DNMT3A: variants seen among roughly 807,000 people sequenced by gnomAD.
DNMT3A encodes DNA (cytosine-5)-methyltransferase 3A.
DNMT3A carries 267 observed loss-of-function variants against 117.6 expected under a neutral mutation model. That is an observed-to-expected ratio of 2.27 (90% CI 2.05 to 2.51). The LOEUF (loss-of-function observed/expected upper bound fraction) is 2.51, where lower values mean the gene tolerates loss of function less well. DNMT3A is among the 30% of genes most tolerant of loss of function. The pLI, the probability that DNMT3A is intolerant of heterozygous loss-of-function variation, is 0.00. For synonymous variants in DNMT3A, 432 were observed against 474.8 expected (o/e 0.91, Z 1.17); for missense variants, 1,029 against 1,260.2 (o/e 0.82, Z 2.78).
At position 25,235,899 on chromosome 2, in the gene DNMT3A, T is replaced by C. The variant is rs558235841; in HGVS notation, c.2479-74A>G. On this transcript the variant is annotated intron_variant, in intron 21 of 22. Coordinates refer to ENST00000321117, the MANE Select transcript of DNMT3A (RefSeq NM_022552.5). Reference sequence around the variant, plus strand: ...CAACACTGGTCATGCGTCTACCAAATATGCCAGGTACTCGCCAAACCCTGA... The same window carrying C: ...CAACACTGGTCATGCGTCTACCAAACATGCCAGGTACTCGCCAAACCCTGA... 4 of 1,366,284 alleles carry C rather than the reference T, an allele frequency of 2.9e-6. No homozygotes were observed. The African/African-American group carries it at 5.7e-5, about 20-fold the overall frequency. 84.6% of individuals were successfully genotyped at this position (1,366,284 alleles called of 1,614,324 possible). A position where few individuals can be genotyped will look rare whatever the true frequency, so the allele number is the denominator to read the frequency against.
At chr2:25,328,619 C>T (rs1305731284) in intron 1 of DNMT3A, 1 of 502,498 alleles carries the variant, frequency 2.0e-6, no homozygotes, top group Non-Finnish European at 4.1e-6. Flanking sequence ...CAACCCCGTT[C>T]CGGGTGACCC....
chr2:25,295,108 T>C (rs1208881665), intron 3 of DNMT3A, among the ~76,000 whole-genome samples: 2 of 152,274 alleles, frequency 1.3e-5, no homozygotes, highest in African/African-American at 4.8e-5. Flanking sequence ...GAACCACCCA[T>C]GAAGGACAAA....
intron 6 of DNMT3A, among the ~76,000 whole-genome samples, chr2:25,250,922 A>C (rs976195187): frequency 6.6e-6 from 1 of 152,042 alleles, no homozygotes; most frequent in Non-Finnish European, 1.5e-5. Context: ...CGTGCCTGAC[A>C]CCACCCTCAG....
rs145353645 is a variant in DNMT3A, at chr2:25,254,889, G to T, written c.640-6637C>A. On this transcript the variant is annotated intron_variant, in intron 6 of 22. Transcript: ENST00000321117. The surrounding 1 kb of genome is among the most constrained non-coding windows in gnomAD (Gnocchi z 4.7). ...GCCGTGCGTGCAGCAAGGACTCAAG[G>T]TGTCAGAACTGGCCAGAACTGTTCA... 2.3e-4 allele frequency among the ~76,000 whole-genome samples: 35 copies of T among 152,250 alleles called. No homozygotes were observed. The highest frequency in any genetic ancestry group is 7.5e-4 in the African/African-American group (31 of 41,460).
At chr2:25,302,366 G>A (rs2033566353) in intron 2 of DNMT3A, among the ~76,000 whole-genome samples, 1 of 152,192 alleles carries the variant, frequency 6.6e-6, no homozygotes, top group East Asian at 1.9e-4. Flanking sequence ...ACTAAGCTGT[G>A]CAGAGTGACA....
In DNMT3A at chr2:25,244,766, G is replaced by C. The variant is rs1411961973; in HGVS notation, c.1555-114C>G. The C allele has an allele frequency of 1.8e-5, 15 of 839,142 alleles. No homozygotes were observed. The Admixed American group carries it at 3.2e-4, about 18-fold the overall frequency. The allele number at this position is 839,142 out of a possible 1,614,324, so 52.0% of individuals were successfully genotyped here. On this transcript the variant is annotated intron_variant, in intron 13 of 22. Transcript: ENST00000321117. Reference sequence around the variant, plus strand: ...GCCTAAGCCCTGAAGACATGACCCCGCCACCACCTTAGCCAGGGTCAGGCC... The same window carrying C: ...GCCTAAGCCCTGAAGACATGACCCCCCCACCACCTTAGCCAGGGTCAGGCC...
At chr2:25,309,294 G>A (rs2033954704) in intron 2 of DNMT3A, among the ~76,000 whole-genome samples, 1 of 152,238 alleles carries the variant, frequency 6.6e-6, no homozygotes. Flanking sequence ...GAGAAGAAAA[G>A]AGGAGCTGTA....
chr2:25,314,586 C>T, intron 1 of DNMT3A: 4 of 985,426 alleles, frequency 4.1e-6, no homozygotes, highest in Non-Finnish European at 4.8e-6. Context: ...CACCCCCACC[C>T]CCACACCTCC....
chr2:25,258,877 G>C (rs1320119817), intron 6 of DNMT3A, among the ~76,000 whole-genome samples: 3 of 152,190 alleles, frequency 2.0e-5, no homozygotes, highest in Middle Eastern at 3.2e-3. Context: ...CTGTTAGGGA[G>C]GGGGAGTGGT....
At chr2:25,248,857 G>A (rs1235212285) in intron 6 of DNMT3A, among the ~76,000 whole-genome samples, 1 of 148,942 alleles carries the variant, frequency 6.7e-6, no homozygotes. Context: ...CTACGTTAAT[G>A]TTTTTTTTTT....
chr2:25,248,608 C>T (rs1675152243), intron 6 of DNMT3A, among the ~76,000 whole-genome samples: 1 of 151,822 alleles, frequency 6.6e-6, no homozygotes, highest in African/African-American at 2.4e-5. Context: ...AGTGCAGTGG[C>T]GCAATCTCGG....
intron 3 of DNMT3A, among the ~76,000 whole-genome samples, chr2:25,288,206 G>A (rs1187740172): frequency 6.7e-6 from 1 of 148,468 alleles, no homozygotes; most frequent in African/African-American, 2.5e-5. Flanking sequence ...CGGCTGAGGC[G>A]GGTGGATCAT....
Position 25,230,374 on chromosome 2 carries a change from A to G in DNMT3A, c.*3905T>C, listed in dbSNP as rs956511289. Reference sequence around the variant, plus strand: ...GTGTCCCCAGCACGAGCACCTGGCTACCTCCCCCAGGCAAGAGCCACGGAT... The same window carrying G: ...GTGTCCCCAGCACGAGCACCTGGCTGCCTCCCCCAGGCAAGAGCCACGGAT... On this transcript the variant is annotated 3_prime_UTR_variant, in exon 23 of 23. Coordinates refer to ENST00000321117, the MANE Select transcript of DNMT3A (RefSeq NM_022552.5). 3.9e-5 allele frequency: 6 copies of G among 152,010 alleles called. No individual in the cohort carries two copies. The highest frequency in any genetic ancestry group is 1.5e-4 in the African/African-American group (6 of 41,342). The allele number at this position is 152,010 out of a possible 1,614,324, so 9.4% of individuals were successfully genotyped here.
chr2:25,332,036 A>G (rs2035031961), intron 1 of DNMT3A, among the ~76,000 whole-genome samples: 1 of 152,078 alleles, frequency 6.6e-6, no homozygotes, highest in African/African-American at 2.4e-5. Flanking sequence ...TAAATGTCAC[A>G]CCACGCACAC....
At chr2:25,330,326 G>T (rs769377879) in intron 1 of DNMT3A, among the ~76,000 whole-genome samples, 2 of 152,196 alleles carry the variant, frequency 1.3e-5, no homozygotes, top group African/African-American at 2.4e-5. Context: ...GAGAAACGTG[G>T]ATTTCCACAC....
chr2:25,313,839 C>G (rs2034251873), intron 2 of DNMT3A, 74 bp downstream of exon 2: 5 of 1,545,938 alleles, frequency 3.2e-6, no homozygotes, highest in Non-Finnish European at 2.6e-6. Flanking sequence ...GTATGAGGAG[C>G]CGGCTGTCAT....
At chr2:25,246,858 A>C (rs760193114) in intron 9 of DNMT3A, 82 bp from the exon 10 acceptor site, 5 of 1,570,730 alleles carry the variant, frequency 3.2e-6, no homozygotes, top group Non-Finnish European at 4.3e-6. Flanking sequence ...GACTCTGAGT[A>C]GTGAGGGTGG....
At chr2:25,340,767 G>A (rs1005386664) in intron 1 of DNMT3A, among the ~76,000 whole-genome samples, 3 of 151,568 alleles carry the variant, frequency 2.0e-5, no homozygotes, top group Non-Finnish European at 3.0e-5. Context: ...GTGTGCGCGG[G>A]GGTGCTGGAG....
At chr2:25,285,357 A>G (rs919802812) in intron 3 of DNMT3A, among the ~76,000 whole-genome samples, 1 of 152,230 alleles carries the variant, frequency 6.6e-6, no homozygotes, top group Non-Finnish European at 1.5e-5. Flanking sequence ...TTGGGAAAAC[A>G]AAAACAAAAA....
Sources: allele counts gnomAD v4.1 joint callset (sites outside exome capture counted in the v4.1 genomes callset), GRCh38; gene constraint gnomAD v4.1.1; non-coding constraint Gnocchi (gnomAD v3.1); transcripts MANE v1.5; gene names NCBI Gene and HGNC (gene_info 2026-07-23, HGNC 2026-07-21).